Variants in PRKAR2B observed in about 807,000 individuals in gnomAD.
The protein encoded by PRKAR2B is protein kinase cAMP-dependent type II regulatory subunit beta.
In PRKAR2B, 14 loss-of-function variants were observed where a neutral mutation model predicts 49.9. That is an observed-to-expected ratio of 0.28 (90% CI 0.19 to 0.44). PRKAR2B has a LOEUF of 0.44. PRKAR2B is among the 20% of genes least tolerant of loss of function. The probability of loss-of-function intolerance (pLI) is 1.00; values close to 1 mark genes in which losing one functional copy is unlikely to be tolerated. For synonymous variants in PRKAR2B, 196 were observed against 197.7 expected (o/e 0.99, Z 0.07); for missense variants, 393 against 537.9 (o/e 0.73, Z 2.67).
intron 2 of PRKAR2B, among the ~76,000 whole-genome samples, chr7:107,095,180 G>A (rs371333215): frequency 6.6e-5 from 10 of 152,074 alleles, no homozygotes; most frequent in East Asian, 5.8e-4. Context: ...CTTTTATTTC[G>A]TTGAGCAGTG....
rs541481678 is a variant in PRKAR2B, at chr7:107,087,757, A to G, written c.343+17441A>G. ...TGGTGAAACCCTGTCTCTTTTCCTT[A>G]CTTTCTATTTCTATTGCCACCACTC... On this transcript the variant is annotated intron_variant, in intron 2 of 10. Coordinates refer to ENST00000265717, the MANE Select transcript of PRKAR2B (RefSeq NM_002736.3). Among the ~76,000 whole-genome samples the G allele has an allele frequency of 2.0e-3, 303 of 152,210 alleles. 3 individuals carry two copies. The highest frequency in any genetic ancestry group is 3.0e-3 in the Non-Finnish European group (204 of 68,018).
intron 2 of PRKAR2B, among the ~76,000 whole-genome samples, chr7:107,087,286 G>C (rs1274843135): frequency 6.6e-6 from 1 of 150,814 alleles, no homozygotes; most frequent in African/African-American, 2.4e-5. Context: ...TTTTAAACTT[G>C]AAAAGTACTA....
At chr7:107,099,639 C>A (rs1160981989) in intron 2 of PRKAR2B, among the ~76,000 whole-genome samples, 2 of 134,306 alleles carry the variant, frequency 1.5e-5, no homozygotes, top group East Asian at 4.4e-4. Flanking sequence ...CATGAGAAAT[C>A]TTTTTTTTTT....
chr7:107,122,043 C>T (rs770060163), intron 3 of PRKAR2B, 39 bp downstream of exon 3: 2 of 1,341,616 alleles, frequency 1.5e-6, no homozygotes, highest in Non-Finnish European at 2.1e-6. Flanking sequence ...TAAATTGATG[C>T]CCTTGTCATA....
In PRKAR2B at chr7:107,096,025, G is replaced by A. The variant is rs925424895; in HGVS notation, c.343+25709G>A. ...GGATGATGCTGGCCTCATAAAATGA[G>A]TTAGGGAGGATTCCCTCTTGTTCTA... On this transcript the variant is annotated intron_variant, in intron 2 of 10. Coordinates refer to ENST00000265717, the MANE Select transcript of PRKAR2B (RefSeq NM_002736.3). Among the ~76,000 whole-genome samples the A allele has an allele frequency of 2.6e-5, 4 of 152,314 alleles. No individual in the cohort carries two copies. In the East Asian group the frequency reaches 7.7e-4, roughly 29 times the overall value.
At chr7:107,083,263 C>T (rs1261160431) in intron 2 of PRKAR2B, among the ~76,000 whole-genome samples, 1 of 151,718 alleles carries the variant, frequency 6.6e-6, no homozygotes, top group Non-Finnish European at 1.5e-5. Context: ...CTTCCCTCCC[C>T]TCTGAGGGAA....
Position 107,144,786 on chromosome 7 carries a change from CTTTT to C in PRKAR2B, c.588-1498_588-1495del, listed in dbSNP as rs11414978. Among the ~76,000 whole-genome samples, 392 of 81,910 alleles carry C rather than the reference CTTTT, an allele frequency of 4.8e-3. 3 individuals are homozygous for C. In the Middle Eastern group the frequency reaches 0.048, roughly 10 times the overall value. 53.7% of individuals were successfully genotyped at this position (81,910 alleles called of 152,430 possible). On this transcript the variant is annotated intron_variant, in intron 5 of 10. Transcript: ENST00000265717. ...AATAATTTTCTAATGTTAAAAGCCA[CTTTT>C]TTTTTTTTTTTTTTTTTTTTTTTAG...
intron 2 of PRKAR2B, among the ~76,000 whole-genome samples, chr7:107,086,253 A>T (rs1794618406): frequency 6.6e-6 from 1 of 152,064 alleles, no homozygotes; most frequent in Non-Finnish European, 1.5e-5. Context: ...GGGCTTTACT[A>T]CTAACTAGTT....
chr7:107,091,528 T>G (rs1224520709), intron 2 of PRKAR2B: 1 of 152,098 alleles, frequency 6.6e-6, no homozygotes, highest in South Asian at 2.1e-4. Context: ...CTGCAGTAGG[T>G]GGACAGTGAG....
At chr7:107,080,373 A>G (rs1206873250) in intron 2 of PRKAR2B, among the ~76,000 whole-genome samples, 1 of 152,178 alleles carries the variant, frequency 6.6e-6, no homozygotes, top group Non-Finnish European at 1.5e-5. Context: ...GGTGTGGGGA[A>G]TGTGTTGGGA....
chr7:107,071,719 A>G (rs913424755), intron 2 of PRKAR2B, among the ~76,000 whole-genome samples: 1 of 152,216 alleles, frequency 6.6e-6, no homozygotes, highest in Non-Finnish European at 1.5e-5. Context: ...CTCAAACCGT[A>G]TGACATGTGA....
At chr7:107,140,242 A>G (rs981654269) in intron 4 of PRKAR2B, among the ~76,000 whole-genome samples, 1 of 152,204 alleles carries the variant, frequency 6.6e-6, no homozygotes, top group African/African-American at 2.4e-5. Flanking sequence ...GTTTCTGACA[A>G]ATCTGCCCTA....
intron 2 of PRKAR2B, among the ~76,000 whole-genome samples, chr7:107,112,777 T>C (rs1795200774): frequency 6.6e-6 from 1 of 152,184 alleles, no homozygotes; most frequent in Non-Finnish European, 1.5e-5. Flanking sequence ...TTGTATTGTT[T>C]TGTAAATATG....
chr7:107,072,019 A>G (rs573630856), intron 2 of PRKAR2B, among the ~76,000 whole-genome samples: 1 of 151,918 alleles, frequency 6.6e-6, no homozygotes, highest in South Asian at 2.1e-4. Flanking sequence ...CAGTGAGCCA[A>G]GATTGCACCA....
At position 107,159,779 on chromosome 7, in the gene PRKAR2B, TA is replaced by T. The variant is rs1291406728; in HGVS notation, c.*204del. On this transcript the variant is annotated 3_prime_UTR_variant, in exon 11 of 11. Transcript: ENST00000265717. ...ACATCACTTTCTAAAGAGTAGTTCA[TA>T]AAAAAATCAACATACTGATAAAATG... The T allele has an allele frequency of 4.1e-6, 2 of 481,938 alleles. 1 individual carries two copies. The highest frequency in any genetic ancestry group is 1.0e-4 in the South Asian group (2 of 19,614). The allele number at this position is 481,938 out of a possible 1,614,324, so 29.9% of individuals were successfully genotyped here. A position where few individuals can be genotyped will look rare whatever the true frequency, so the allele number is the denominator to read the frequency against.
At chr7:107,059,299 T>C (rs534314044) in intron 1 of PRKAR2B, among the ~76,000 whole-genome samples, 4 of 152,070 alleles carry the variant, frequency 2.6e-5, no homozygotes, top group Non-Finnish European at 5.9e-5. Context: ...TTTTTTTTCT[T>C]TTAAAATATA....
At chr7:107,073,639 G>A (rs1180266368) in intron 2 of PRKAR2B, among the ~76,000 whole-genome samples, 2 of 152,164 alleles carry the variant, frequency 1.3e-5, no homozygotes, top group African/African-American at 2.4e-5. Context: ...CATCCTGACA[G>A]CACCCCATAA....
chr7:107,152,392 C>G (rs1407984236), intron 7 of PRKAR2B, among the ~76,000 whole-genome samples: 1 of 152,224 alleles, frequency 6.6e-6, no homozygotes, highest in Admixed American at 6.5e-5. Context: ...TACTTGCCGT[C>G]TGTCTGGAAT....
At chr7:107,050,954 C>T (rs909592645) in intron 1 of PRKAR2B, among the ~76,000 whole-genome samples, 13 of 152,120 alleles carry the variant, frequency 8.5e-5, no homozygotes, top group African/African-American at 2.9e-4. Context: ...CCTCAGCTTC[C>T]GAAAGTGTTG....
Sources: allele counts gnomAD v4.1 joint callset (sites outside exome capture counted in the v4.1 genomes callset), GRCh38; gene constraint gnomAD v4.1.1; transcripts MANE v1.5; gene names NCBI Gene and HGNC (gene_info 2026-07-23, HGNC 2026-07-21).